Variants in DCLK1 observed in about 807,000 individuals in gnomAD.
DCLK1 encodes the protein serine/threonine-protein kinase DCLK1.
A neutral mutation model predicts 86.2 loss-of-function variants in DCLK1; 16 were observed. That is an observed-to-expected ratio of 0.19 (90% CI 0.13 to 0.28). The LOEUF is 0.28. DCLK1 is among the 10% of genes least tolerant of loss of function. The probability of loss-of-function intolerance (pLI) is 1.00; values close to 1 mark genes in which losing one functional copy is unlikely to be tolerated. For synonymous variants in DCLK1, 369 were observed against 370.5 expected, an observed-to-expected ratio of 1.00 and a Z score of 0.05; for missense variants, 590 against 940.2, an observed-to-expected ratio of 0.63 and a Z score of 4.87.
At chr13:35,983,177 G>C (rs1006489880) in intron 3 of DCLK1, among the ~76,000 whole-genome samples, 1 of 152,102 alleles carries the variant, frequency 6.6e-6, no homozygotes, top group African/African-American at 2.4e-5. Context: ...CCATGCTGGA[G>C]TGCAGTGGTA....
chr13:36,080,231 C>T (rs779070122), intron 3 of DCLK1, among the ~76,000 whole-genome samples: 4 of 152,016 alleles, frequency 2.6e-5, no homozygotes, highest in East Asian at 1.9e-4. Context: ...CTAGCTTGTG[C>T]GGATAACCAG....
At chr13:35,892,948 T>C (rs1873732985) in intron 4 of DCLK1, among the ~76,000 whole-genome samples, 1 of 152,230 alleles carries the variant, frequency 6.6e-6, no homozygotes, top group South Asian at 2.1e-4. Flanking sequence ...GAGGCATCGC[T>C]GAAATATACC....
intron 4 of DCLK1, among the ~76,000 whole-genome samples, chr13:35,888,756 G>A (rs1458723644): frequency 1.3e-5 from 2 of 152,178 alleles, no homozygotes; most frequent in East Asian, 3.8e-4. Flanking sequence ...AGTCATTACT[G>A]CAATCCACAA....
rs564683199 is a variant in DCLK1, at chr13:36,084,460, TA to T, written c.723+27408del. On this transcript the variant is annotated intron_variant, in intron 3 of 16. Transcript: ENST00000360631. ...AAGAAATAGCTAAACAGAAAAGATA[TA>T]AACAAATTTGAAGTTTGGGAAGTCT... 5.0e-3 allele frequency among the ~76,000 whole-genome samples: 754 copies of T among 152,238 alleles called. 3 individuals are homozygous for T. The highest frequency in any genetic ancestry group is 0.017 in the African/African-American group (714 of 41,544).
At chr13:35,986,073 GC>G (rs1197893253) in intron 3 of DCLK1, among the ~76,000 whole-genome samples, 1 of 151,976 alleles carries the variant, frequency 6.6e-6, no homozygotes, top group African/African-American at 2.4e-5. Context: ...GGAGGTCGAG[GC>G]AGGCAGATCA....
intron 3 of DCLK1, among the ~76,000 whole-genome samples, chr13:36,065,727 C>T (rs1163204558): frequency 6.6e-6 from 1 of 152,130 alleles, no homozygotes; most frequent in East Asian, 1.9e-4. Flanking sequence ...AAAGGAAAGA[C>T]TCATCTGGCT....
intron 3 of DCLK1, among the ~76,000 whole-genome samples, chr13:35,947,801 C>T (rs144411095): frequency 6.6e-5 from 10 of 152,260 alleles, no homozygotes; most frequent in African/African-American, 2.4e-4. Flanking sequence ...TTGATAGCAA[C>T]ACAAGTCAGC....
intron 3 of DCLK1, among the ~76,000 whole-genome samples, chr13:35,949,612 C>T (rs1010245954): frequency 6.6e-6 from 1 of 152,192 alleles, no homozygotes; most frequent in Admixed American, 6.5e-5. Context: ...CCCACTCCCA[C>T]CATTTGCATT....
intron 13 of DCLK1, 145 bp downstream of exon 13, chr13:35,808,873 A>C: frequency 1.8e-6 from 1 of 556,554 alleles, no homozygotes; most frequent in Non-Finnish European, 3.1e-6. Flanking sequence ...TGCATGACAT[A>C]ACAGGGAAAA....
upstream of DCLK1, among the ~76,000 whole-genome samples, chr13:36,131,458 T>C (rs1886360925): frequency 6.6e-6 from 1 of 151,768 alleles, no homozygotes; most frequent in Non-Finnish European, 1.5e-5. Flanking sequence ...CTCCTCCTCC[T>C]CCTCCGCGTG....
At chr13:35,953,235 C>T (rs1877803438) in intron 3 of DCLK1, among the ~76,000 whole-genome samples, 1 of 151,908 alleles carries the variant, frequency 6.6e-6, no homozygotes, top group Non-Finnish European at 1.5e-5. Context: ...AAAAATCCAG[C>T]CAGGTTAAAC....
intron 4 of DCLK1, among the ~76,000 whole-genome samples, chr13:35,880,575 C>T (rs1172385817): frequency 6.6e-6 from 1 of 152,142 alleles, no homozygotes; most frequent in Non-Finnish European, 1.5e-5. Flanking sequence ...GGCAGTATTG[C>T]CTCAAAAACA....
At chr13:35,814,235 T>C (rs2087217818) in intron 11 of DCLK1, among the ~76,000 whole-genome samples, 1 of 152,186 alleles carries the variant, frequency 6.6e-6, no homozygotes, top group Non-Finnish European at 1.5e-5. Context: ...CACAGATTGC[T>C]AAATACACCC....
chr13:36,124,921 C>T (rs965411651), intron 2 of DCLK1, among the ~76,000 whole-genome samples: 2 of 152,150 alleles, frequency 1.3e-5, no homozygotes, highest in African/African-American at 4.8e-5. Flanking sequence ...TTCTCCAACT[C>T]ATTTTAATTG....
In DCLK1 at chr13:35,828,327, GT is replaced by G; in HGVS notation, c.1230-21del. 1.3e-6 allele frequency: 2 copies of G among 1,594,882 alleles called. No individual in the cohort carries two copies. Among genetic ancestry groups the G allele is most frequent in the South Asian group, 1.1e-5 (1 of 88,472 alleles). ...GTCGATCTGCGAAGAGAAAGTTCAT[GT>G]TTTTAAAATGAAACTTAACTTCAAA... On this transcript the variant is annotated intron_variant, in intron 8 of 16. Transcript: ENST00000360631.
At chr13:36,070,296 G>C (rs1442968479) in intron 3 of DCLK1, among the ~76,000 whole-genome samples, 6 of 152,114 alleles carry the variant, frequency 3.9e-5, no homozygotes, top group African/African-American at 1.4e-4. Context: ...GGATGGTTCT[G>C]AGAATTACAA....
intron 8 of DCLK1, among the ~76,000 whole-genome samples, chr13:35,828,546 G>A (rs891497512): frequency 2.6e-5 from 4 of 152,106 alleles, no homozygotes; most frequent in Admixed American, 6.5e-5. Context: ...TTATGTTGCC[G>A]TACTTGTAAT....
chr13:35,993,979 T>C (rs1429156695), intron 3 of DCLK1, among the ~76,000 whole-genome samples: 1 of 152,072 alleles, frequency 6.6e-6, no homozygotes, highest in Non-Finnish European at 1.5e-5. Context: ...TTAACATCTC[T>C]AGTCCTTCCA....
intron 4 of DCLK1, among the ~76,000 whole-genome samples, chr13:35,935,147 A>C (rs1385673609): frequency 6.6e-6 from 1 of 152,180 alleles, no homozygotes; most frequent in African/African-American, 2.4e-5. Context: ...ATATTTCAAA[A>C]ATAAATAGCT....
Sources: allele counts gnomAD v4.1 joint callset (sites outside exome capture counted in the v4.1 genomes callset), GRCh38; gene constraint gnomAD v4.1.1; transcripts MANE v1.5; gene names NCBI Gene and HGNC (gene_info 2026-07-23, HGNC 2026-07-21).